NCAPG2: variants seen among roughly 807,000 people sequenced by gnomAD.
NCAPG2 encodes the protein condensin-2 complex subunit G2.
NCAPG2 carries 53 observed loss-of-function variants against 141.1 expected under a neutral mutation model. The observed-to-expected ratio is 0.38, with a 90% CI of 0.30 to 0.47. NCAPG2 has a LOEUF of 0.47. Among genes scored for constraint, NCAPG2 ranks in the 20% least tolerant of loss-of-function variants. The pLI is 0.99. For missense variants in NCAPG2, 1,087 were observed against 1,389.0 expected (o/e 0.78, Z 3.46); for synonymous variants, 499 against 490.7 (o/e 1.02, Z -0.22).
chr7:158,682,620 C>A, intron 9 of NCAPG2, among the ~76,000 whole-genome samples: 1 of 152,168 alleles, frequency 6.6e-6, no homozygotes, highest in Non-Finnish European at 1.5e-5. Flanking sequence ...GGTTTCTTGA[C>A]ATATGGTTGC....
chr7:158,642,218 T>G (rs374747334), intron 27 of NCAPG2, among the ~76,000 whole-genome samples: 11 of 152,220 alleles, frequency 7.2e-5, no homozygotes, highest in African/African-American at 2.4e-4. Context: ...TATCAAAAAT[T>G]TGTGAGATGC....
At chr7:158,647,020 G>A (rs1368858013) in intron 24 of NCAPG2, among the ~76,000 whole-genome samples, 2 of 148,136 alleles carry the variant, frequency 1.4e-5, no homozygotes, top group Non-Finnish European at 3.0e-5. Flanking sequence ...GCGACATCCT[G>A]TCTCAATATG....
intron 21 of NCAPG2, 149 bp downstream of exon 21, chr7:158,654,969 A>C: frequency 8.2e-7 from 1 of 1,226,110 alleles, no homozygotes; most frequent in Non-Finnish European, 1.1e-6. Context: ...GCTTTGCAAA[A>C]AGATAAACTA....
At chr7:158,671,467 CAT>C (rs764126199) in intron 13 of NCAPG2, 45 bp downstream of exon 13, 86 of 1,604,088 alleles carry the variant, frequency 5.4e-5, no homozygotes, top group Non-Finnish European at 6.1e-5. Context: ...TTGATGAACA[CAT>C]GTCCCTATTT....
At chr7:158,678,876 G>A (rs893177722) in intron 11 of NCAPG2, among the ~76,000 whole-genome samples, 2 of 151,716 alleles carry the variant, frequency 1.3e-5, no homozygotes, top group African/African-American at 4.8e-5. Context: ...TTTGAGACAG[G>A]GTCTCACTCT....
intron 22 of NCAPG2, 105 bp downstream of exon 22, chr7:158,654,490 T>C (rs776153810): frequency 4.2e-4 from 480 of 1,147,570 alleles, no homozygotes; most frequent in Non-Finnish European, 5.4e-4. Context: ...GGTTGCATTA[T>C]AATCAGTCAC....
At chr7:158,663,531 C>G (rs1832697828) in intron 15 of NCAPG2, among the ~76,000 whole-genome samples, 1 of 152,204 alleles carries the variant, frequency 6.6e-6, no homozygotes. Context: ...CATCTGCTGC[C>G]CCTGCTAGGA....
At chr7:158,646,964 G>A (rs1370722963) in intron 24 of NCAPG2, among the ~76,000 whole-genome samples, 1 of 151,926 alleles carries the variant, frequency 6.6e-6, no homozygotes, top group Non-Finnish European at 1.5e-5. Context: ...AGGAATTTGA[G>A]GCTGTAGTGA....
At chr7:158,700,142 C>T (rs973967069) in intron 2 of NCAPG2, among the ~76,000 whole-genome samples, 1 of 152,172 alleles carries the variant, frequency 6.6e-6, no homozygotes, top group African/African-American at 2.4e-5. Flanking sequence ...GATGAAACCA[C>T]GTGATGCACA....
chr7:158,636,468 C>A (rs964076565), intron 27 of NCAPG2, among the ~76,000 whole-genome samples: 4 of 144,774 alleles, frequency 2.8e-5, no homozygotes, highest in African/African-American at 5.2e-5. Context: ...ATGGCTCGAT[C>A]TGGGCTCACC....
At chr7:158,644,506 G>T in intron 26 of NCAPG2, 118 bp from the exon 27 acceptor site, 1 of 824,432 alleles carries the variant, frequency 1.2e-6, no homozygotes, top group Non-Finnish European at 2.1e-6. Flanking sequence ...TTCCCTTTGA[G>T]GTAACCTACA....
At chr7:158,653,560 C>T (rs1017313520) in intron 22 of NCAPG2, among the ~76,000 whole-genome samples, 5 of 152,118 alleles carry the variant, frequency 3.3e-5, no homozygotes, top group Non-Finnish European at 5.9e-5. Flanking sequence ...GCATCTACTT[C>T]AGTTGCAACG....
At chr7:158,686,113 T>C in intron 8 of NCAPG2, 59 bp downstream of exon 8, 1 of 1,057,386 alleles carries the variant, frequency 9.5e-7, no homozygotes, top group Non-Finnish European at 1.4e-6. Context: ...CTTTGACTAC[T>C]TATTTAGTAA....
At chr7:158,647,974 G>A (rs541548907) in intron 24 of NCAPG2, among the ~76,000 whole-genome samples, 12 of 152,242 alleles carry the variant, frequency 7.9e-5, no homozygotes, top group African/African-American at 2.6e-4. Flanking sequence ...GTGAGCTACC[G>A]TGCCTGGCCT....
At chr7:158,666,018 A>C (rs1391703353) in intron 13 of NCAPG2, among the ~76,000 whole-genome samples, 1 of 146,040 alleles carries the variant, frequency 6.8e-6, no homozygotes, top group Non-Finnish European at 1.5e-5. Context: ...GAGCAACCCC[A>C]GTACTTCAAG....
At chr7:158,635,139 A>C (rs1830101546) in intron 27 of NCAPG2, among the ~76,000 whole-genome samples, 2 of 152,224 alleles carry the variant, frequency 1.3e-5, no homozygotes, top group Admixed American at 1.3e-4. Flanking sequence ...CAGTGTCTGT[A>C]TTTATTAAAG....
chr7:158,665,330 C>T lies in NCAPG2; in HGVS notation c.1480-580G>A, dbSNP rs181661576. ...TCCAGACAACCTGCAAAAATCAGAA[C>T]TGATCATAGTGATAGCGTCCCTCTT... On this transcript the variant is annotated intron_variant, in intron 13 of 27. Transcript: ENST00000356309. 2.0e-5 allele frequency: 3 copies of T among 153,246 alleles called. No individual in the cohort carries two copies. The East Asian group carries it at 5.8e-4, about 30-fold the overall frequency. 9.5% of individuals were successfully genotyped at this position (153,246 alleles called of 1,614,324 possible).
At chr7:158,680,186 G>T in intron 10 of NCAPG2, 101 bp from the exon 11 acceptor site, 1 of 1,295,112 alleles carries the variant, frequency 7.7e-7, no homozygotes. Flanking sequence ...TCTTGATACA[G>T]ATTTATTTTC....
chr7:158,646,588 T>C lies in NCAPG2; in HGVS notation c.3076-25A>G, dbSNP rs565332349. On this transcript the variant is annotated intron_variant, in intron 24 of 27. Coordinates refer to ENST00000356309, the MANE Select transcript of NCAPG2 (RefSeq NM_017760.7). The stretch of plus-strand genomic sequence containing the variant: ...CCTAAAAAAGTTCCAAATCAGCAAG[T>C]TGTAAACAGAGACTAGGCTACTTAC... The C allele has an allele frequency of 6.7e-6, 10 of 1,497,660 alleles. No homozygotes were observed. The South Asian group carries it at 1.1e-4, about 17-fold the overall frequency. The allele number at this position is 1,497,660 out of a possible 1,614,324, so 92.8% of individuals were successfully genotyped here.
Sources: gnomAD v4.1 joint callset for allele counts (sites outside exome capture counted in the v4.1 genomes callset) on GRCh38, gnomAD v4.1.1 for gene constraint, MANE v1.5 for transcripts, NCBI Gene and HGNC (gene_info 2026-07-23, HGNC 2026-07-21) for gene names.